Variants in VWF observed in about 807,000 individuals in gnomAD.
VWF encodes the protein von Willebrand factor.
VWF carries 176 observed loss-of-function variants against 308.6 expected under a neutral mutation model. The observed-to-expected ratio is 0.57, with a 90% CI of 0.50 to 0.65. The LOEUF is 0.65. Ranked by LOEUF, VWF falls within the 30% of genes least tolerant of loss-of-function variation. The pLI, the probability that VWF is intolerant of heterozygous loss-of-function variation, is 0.00. For missense variants in VWF, 3,146 were observed against 3,648.2 expected, an observed-to-expected ratio of 0.86 and a Z score of 3.55; for synonymous variants, 1,385 against 1,443.4, an observed-to-expected ratio of 0.96 and a Z score of 0.92.
intron 47 of VWF, among the ~76,000 whole-genome samples, chr12:5,958,458 T>C (rs778995800): frequency 6.6e-6 from 1 of 152,172 alleles, no homozygotes; most frequent in Non-Finnish European, 1.5e-5. Context: ...GAAGCCCAGA[T>C]AGGAAGATCG....
Position 6,110,595 on chromosome 12 carries a change from G to GACTCT in VWF, c.324-14_324-13insAGAGT. 2.5e-6 allele frequency: 4 copies of GACTCT among 1,613,654 alleles called. No homozygotes were observed. The highest frequency in any genetic ancestry group is 3.4e-6 in the Non-Finnish European group (4 of 1,179,644). On this transcript the variant is annotated splice_polypyrimidine_tract_variant and intron_variant, in intron 4 of 51. Transcript: ENST00000261405. ...GGGCATGGAGACTCTGGAGGGCAAA[G>GACTCT]GCTAAGTTCAGAAGTGGGCTTCTTG...
intron 3 of VWF, 58 bp downstream of exon 3, chr12:6,121,114 CCA>C: frequency 6.2e-7 from 1 of 1,606,498 alleles, no homozygotes. Flanking sequence ...CTCCCCCACA[CCA>C]GGGCTAAGCT....
chr12:5,950,611 G>A (rs866745406), intron 50 of VWF, among the ~76,000 whole-genome samples: 51 of 151,668 alleles, frequency 3.4e-4, no homozygotes, highest in Admixed American at 3.9e-4. Flanking sequence ...CTAATTTCTA[G>A]ATAATTTCAT....
intron 5 of VWF, among the ~76,000 whole-genome samples, chr12:6,106,601 C>G (rs182509576): frequency 6.6e-6 from 1 of 152,014 alleles, no homozygotes; most frequent in South Asian, 2.1e-4. Context: ...TGGCCAGGCG[C>G]GGTGGCTCAC....
chr12:6,102,460 A>G (rs1945175166), intron 5 of VWF, among the ~76,000 whole-genome samples: 1 of 145,776 alleles, frequency 6.9e-6, no homozygotes, highest in Non-Finnish European at 1.5e-5. Flanking sequence ...AAACAGGCAG[A>G]GCACGTTGGC....
rs1565835390 is a variant in VWF, at chr12:6,027,884, C to CACA, written c.2967+1457_2967+1458insTGT. On this transcript the variant is annotated intron_variant, in intron 22 of 51. Coordinates refer to ENST00000261405, the MANE Select transcript of VWF (RefSeq NM_000552.5). ...CACACACACACACACACACACACAC[C>CACA]CCTAAACAAAAAAACTTTTTTCCCC... Among the ~76,000 whole-genome samples, 6 of 106,974 alleles carry CACA rather than the reference C, an allele frequency of 5.6e-5. No homozygotes were observed. In the East Asian group the frequency reaches 1.1e-3, roughly 20 times the overall value. The allele number at this position is 106,974 out of a possible 152,430, so 70.2% of individuals were successfully genotyped here.
intron 20 of VWF, among the ~76,000 whole-genome samples, chr12:6,034,009 A>G (rs1001473824): frequency 4.6e-5 from 7 of 152,362 alleles, no homozygotes; most frequent in Non-Finnish European, 8.8e-5. Context: ...GAAACTTACA[A>G]GAATCCACGC....
chr12:6,046,636 G>T lies in VWF; in HGVS notation c.2281+87C>A. 1 of 1,308,028 alleles carries T rather than the reference G, an allele frequency of 7.6e-7. No individual in the cohort carries two copies. Among genetic ancestry groups the T allele is most frequent in the Non-Finnish European group, 1.1e-6 (1 of 903,604 alleles). 81.0% of individuals were successfully genotyped at this position (1,308,028 alleles called of 1,614,324 possible). A position where few individuals can be genotyped will look rare whatever the true frequency, so the allele number is the denominator to read the frequency against. On this transcript the variant is annotated intron_variant, in intron 17 of 51. Transcript: ENST00000261405. The surrounding 1 kb of genome is among the most constrained non-coding windows in gnomAD (Gnocchi z 5.0). ...CCTGGGTGCACACGCACATCTGACGGTGTCACCCAGCTCTCTCCCGCCATT... is the reference window on the plus strand; with the variant it reads ...CCTGGGTGCACACGCACATCTGACGTTGTCACCCAGCTCTCTCCCGCCATT...
chr12:6,076,632 G>A (rs932716590), intron 6 of VWF, among the ~76,000 whole-genome samples: 3 of 152,226 alleles, frequency 2.0e-5, no homozygotes, highest in African/African-American at 4.8e-5. Flanking sequence ...AGAAAAAAGT[G>A]CAAGAATATC....
chr12:6,000,058 ATGGAC>A (rs1943853441), intron 34 of VWF, among the ~76,000 whole-genome samples: 1 of 152,212 alleles, frequency 6.6e-6, no homozygotes. Flanking sequence ...AGGAGAAAAA[ATGGAC>A]TCTTAAAAGA....
At chr12:6,123,663 T>C (rs915483371) in intron 1 of VWF, among the ~76,000 whole-genome samples, 5 of 152,214 alleles carry the variant, frequency 3.3e-5, no homozygotes, top group African/African-American at 1.2e-4. Flanking sequence ...GTTTGCTTGT[T>C]GGCCCCTGAC....
chr12:5,982,092 T>G, intron 41 of VWF, 101 bp from the exon 42 acceptor site: 1 of 1,159,590 alleles, frequency 8.6e-7, no homozygotes, highest in Non-Finnish European at 1.3e-6. Flanking sequence ...CTCAGAAGAT[T>G]AAGTCAGAAA....
chr12:6,018,357 C>T lies in VWF; in HGVS notation c.5053+8G>A, dbSNP rs925135379. On this transcript the variant is annotated splice_region_variant and intron_variant, in intron 28 of 51. Coordinates refer to ENST00000261405, the MANE Select transcript of VWF (RefSeq NM_000552.5). ...GCCCTCCCACCTGCACACAAGGTGC[C>T]AGCATACCAGGTGCAGGGGAGAGGG... 1.2e-6 allele frequency: 2 copies of T among 1,607,530 alleles called. No homozygotes were observed. The highest frequency in any genetic ancestry group is 2.2e-5 in the East Asian group (1 of 44,814).
rs545361800 is a variant in VWF, at chr12:6,111,819, G to A, written c.221-851C>T. 1.5e-3 allele frequency among the ~76,000 whole-genome samples: 222 copies of A among 152,052 alleles called. 1 individual carries two copies. Among genetic ancestry groups the A allele is most frequent in the African/African-American group, 5.1e-3 (212 of 41,464 alleles). On this transcript the variant is annotated intron_variant, in intron 3 of 51. Transcript: ENST00000261405. ...TGAAGAAAAAAAAAATTAGCCAGGCGAGGTGGCTGGCGTCTGTGGTCCCAG... is the reference window on the plus strand; with the variant it reads ...TGAAGAAAAAAAAAATTAGCCAGGCAAGGTGGCTGGCGTCTGTGGTCCCAG...
At chr12:6,025,815 AC>A in intron 23 of VWF, 90 bp downstream of exon 23, 1 of 1,607,672 alleles carries the variant, frequency 6.2e-7, no homozygotes, top group Non-Finnish European at 8.5e-7. Flanking sequence ...ACCACCCACA[AC>A]CCCCCTTCCA....
At chr12:6,032,492 G>A (rs1379528980) in intron 20 of VWF, among the ~76,000 whole-genome samples, 12 of 124,958 alleles carry the variant, frequency 9.6e-5, no homozygotes, top group Non-Finnish European at 2.1e-4. Context: ...CAAAAAATTA[G>A]CCGGGCGTGG....
chr12:6,120,095 C>G (rs1945414211), intron 3 of VWF, among the ~76,000 whole-genome samples: 1 of 152,142 alleles, frequency 6.6e-6, no homozygotes, highest in Non-Finnish European at 1.5e-5. Context: ...CTAGACAGAG[C>G]CTAGCCCAGT....
chr12:5,958,459 A>ATT (rs1565809030), intron 47 of VWF, among the ~76,000 whole-genome samples: 4 of 152,226 alleles, frequency 2.6e-5, no homozygotes, highest in Non-Finnish European at 4.4e-5. Flanking sequence ...AAGCCCAGAT[A>ATT]GGAAGATCGC....
Position 6,052,725 on chromosome 12 carries a change from G to A in VWF, c.2004C>T (p.Thr668=), listed in dbSNP as rs1565844959. 6.2e-7 allele frequency: 1 copy of A among 1,614,198 alleles called. No homozygotes were observed. The highest frequency in any genetic ancestry group is 8.5e-7 in the Non-Finnish European group (1 of 1,180,038). Residue 668 remains threonine, a synonymous_variant, in exon 16 of 52, where the codon ACC becomes ACT. Coordinates refer to ENST00000261405, the MANE Select transcript of VWF (RefSeq NM_000552.5). ...CATCCGGGTAAGAGAGAGAGCGGCAGGTCAGGTTGCAGGGGGTCCCGCACT... is the reference window on the plus strand; with the variant it reads ...CATCCGGGTAAGAGAGAGAGCGGCAAGTCAGGTTGCAGGGGGTCCCGCACT... ...YLQCGTPCNL[T]CRSLSYPDEE...
Sources: allele counts gnomAD v4.1 joint callset (sites outside exome capture counted in the v4.1 genomes callset), GRCh38; gene constraint gnomAD v4.1.1; non-coding constraint Gnocchi (gnomAD v3.1); transcripts MANE v1.5; gene names NCBI Gene and HGNC (gene_info 2026-07-23, HGNC 2026-07-21).